The following GLI3 variants were observed in gnomAD, a reference collection of about 807,000 sequenced individuals.
The protein encoded by GLI3 is transcription activator GLI3.
A neutral mutation model predicts 100.8 loss-of-function variants in GLI3; 20 were observed. The ratio of observed to expected loss-of-function variants is 0.20; its 90% CI spans 0.14 to 0.29. The LOEUF (loss-of-function observed/expected upper bound fraction) is 0.29. Ranked by LOEUF, GLI3 falls within the 10% of genes least tolerant of loss-of-function variation. The probability of loss-of-function intolerance (pLI) is 1.00; values close to 1 mark genes in which losing one functional copy is unlikely to be tolerated. For missense variants in GLI3, 2,040 were observed against 2,128.5 expected, an observed-to-expected ratio of 0.96 and a Z score of 0.82; for synonymous variants, 938 against 860.5, an observed-to-expected ratio of 1.09 and a Z score of -1.58.
At chr7:42,120,994 C>T (rs769101810) in intron 3 of GLI3, among the ~76,000 whole-genome samples, 1 of 152,148 alleles carries the variant, frequency 6.6e-6, no homozygotes, top group African/African-American at 2.4e-5. Context: ...AACAAACCAC[C>T]ACCAAAAAGA....
intron 2 of GLI3, among the ~76,000 whole-genome samples, chr7:42,170,497 G>T (rs562569007): frequency 5.0e-4 from 74 of 148,946 alleles, no homozygotes; most frequent in African/African-American, 1.8e-3. Flanking sequence ...CCGCCTCCTG[G>T]GTTCAAGCCA....
At chr7:42,099,001 A>G (rs754281387) in intron 3 of GLI3, among the ~76,000 whole-genome samples, 1 of 152,152 alleles carries the variant, frequency 6.6e-6, no homozygotes, top group Non-Finnish European at 1.5e-5. Context: ...ATCCAGGGAT[A>G]CATCTGCCCT....
At chr7:42,059,282 G>A (rs1317692363) in intron 4 of GLI3, among the ~76,000 whole-genome samples, 1 of 151,780 alleles carries the variant, frequency 6.6e-6, no homozygotes, top group African/African-American at 2.4e-5. Flanking sequence ...AATAGTTCAC[G>A]CAAAGGTATC....
chr7:42,061,365 A>G (rs1337075928), intron 4 of GLI3, among the ~76,000 whole-genome samples: 2 of 152,096 alleles, frequency 1.3e-5, no homozygotes, highest in Non-Finnish European at 2.9e-5. Context: ...CATCATAATT[A>G]TTATTACTGT....
chr7:42,213,455 G>A (rs1044370270), intron 2 of GLI3, among the ~76,000 whole-genome samples: 5 of 152,114 alleles, frequency 3.3e-5, no homozygotes, highest in Admixed American at 6.5e-5. Flanking sequence ...GTGACTGGTG[G>A]TGAAATGTAG....
rs780020629 is a variant in GLI3 at position 41,962,798 on chromosome 7, A to G, written c.*1532T>C. 5.9e-5 allele frequency: 9 copies of G among 152,232 alleles called. No homozygotes were observed. Among genetic ancestry groups the G allele is most frequent in the African/African-American group, 9.6e-5 (4 of 41,466 alleles). 9.4% of individuals were successfully genotyped at this position (152,232 alleles called of 1,614,324 possible). A position where few individuals can be genotyped will look rare whatever the true frequency, so the allele number is the denominator to read the frequency against. ...GAAAAGCCACATAATTGAATTATCA[A>G]TCACTTGCAGTAAATCCAATTCCAG... On this transcript the variant is annotated 3_prime_UTR_variant, in exon 15 of 15. Transcript: ENST00000395925.
At chr7:42,034,466 A>C (rs1354787613) in intron 7 of GLI3, among the ~76,000 whole-genome samples, 1 of 152,158 alleles carries the variant, frequency 6.6e-6, no homozygotes, top group Non-Finnish European at 1.5e-5. Flanking sequence ...CCCAGATCTT[A>C]GGCCCTTCCT....
intron 4 of GLI3, among the ~76,000 whole-genome samples, chr7:42,055,058 CATATATGTATACAT>C (rs1283875237): frequency 4.6e-5 from 5 of 108,878 alleles, no homozygotes; most frequent in African/African-American, 1.9e-4. Flanking sequence ...TATACACACA[CATATATGTATACAT>C]ATATATGTAT....
intron 10 of GLI3, among the ~76,000 whole-genome samples, chr7:41,992,168 T>A (rs1473862786): frequency 6.6e-6 from 1 of 152,200 alleles, no homozygotes; most frequent in African/African-American, 2.4e-5. Flanking sequence ...GTTGCTATAA[T>A]CATCCAAGAA....
chr7:41,994,113 A>G (rs1406250238), intron 10 of GLI3, among the ~76,000 whole-genome samples: 1 of 152,244 alleles, frequency 6.6e-6, no homozygotes, highest in Non-Finnish European at 1.5e-5. Flanking sequence ...GAAAAAAATA[A>G]TCTGATGCTT....
chr7:42,045,275 C>T, intron 6 of GLI3, 109 bp downstream of exon 6: 2 of 1,083,832 alleles, frequency 1.8e-6, no homozygotes, highest in African/African-American at 1.5e-5. Flanking sequence ...CCACTTTCTC[C>T]TCCAGATCAA....
chr7:42,148,130 A>AGT, intron 3 of GLI3, 96 bp downstream of exon 3: 1 of 1,193,782 alleles, frequency 8.4e-7, no homozygotes, highest in South Asian at 1.8e-5. Flanking sequence ...AACTTCATAA[A>AGT]GCGCGCACAC....
intron 10 of GLI3, among the ~76,000 whole-genome samples, chr7:41,989,042 G>A (rs1162780266): frequency 1.3e-5 from 2 of 152,166 alleles, no homozygotes; most frequent in Non-Finnish European, 2.9e-5. Flanking sequence ...TTACTGAGCA[G>A]ATTTAATTTT....
At position 42,201,849 on chromosome 7, in the gene GLI3, C is replaced by T. The variant is rs147687283; in HGVS notation, c.124+21281G>A. 4.0e-3 allele frequency among the ~76,000 whole-genome samples: 606 copies of T among 152,144 alleles called. 2 individuals carry two copies. The highest frequency in any genetic ancestry group is 0.013 in the African/African-American group (548 of 41,490). ...CTGTAATCCTAGCACTTTGGGAAGC[C>T]GAGGCGGGCAGATCACAAGGTCAGG... On this transcript the variant is annotated intron_variant, in intron 2 of 14. Transcript: ENST00000395925.
intron 3 of GLI3, among the ~76,000 whole-genome samples, chr7:42,102,411 G>C (rs1034026900): frequency 6.6e-6 from 1 of 152,228 alleles, no homozygotes; most frequent in Non-Finnish European, 1.5e-5. Flanking sequence ...TCTCACGCCT[G>C]CTTCCTATGC....
chr7:42,203,804 G>T lies in GLI3; in HGVS notation c.124+19326C>A, dbSNP rs1458618787. Among the ~76,000 whole-genome samples the T allele has an allele frequency of 3.3e-5, 5 of 152,204 alleles. No homozygotes were observed. The East Asian group carries it at 9.7e-4, about 29-fold the overall frequency. ...ATTTGAGACCAGGAGTTTGAGACCA[G>T]CCTGGCCAACATGGTGAAACCCTGT... is the stretch of plus-strand genomic sequence containing the variant. On this transcript the variant is annotated intron_variant, in intron 2 of 14. Coordinates refer to ENST00000395925, the MANE Select transcript of GLI3 (RefSeq NM_000168.6).
intron 3 of GLI3, among the ~76,000 whole-genome samples, chr7:42,104,117 T>A (rs1035044483): frequency 6.6e-6 from 1 of 152,140 alleles, no homozygotes; most frequent in Non-Finnish European, 1.5e-5. Context: ...TTGAAGAAGA[T>A]GAAAGCATTG....
intron 2 of GLI3, among the ~76,000 whole-genome samples, chr7:42,152,622 AT>A (rs1404401644): frequency 2.0e-5 from 3 of 152,204 alleles, no homozygotes; most frequent in Non-Finnish European, 4.4e-5. Flanking sequence ...CAGGCGGCTA[AT>A]CATTAAATCA....
At chr7:42,015,972 C>T (rs1315379651) in intron 10 of GLI3, among the ~76,000 whole-genome samples, 1 of 151,834 alleles carries the variant, frequency 6.6e-6, no homozygotes, top group East Asian at 1.9e-4. Flanking sequence ...ATACTGTCTC[C>T]CAGGGACATC....
Sources: allele counts gnomAD v4.1 joint callset (sites outside exome capture counted in the v4.1 genomes callset), GRCh38; gene constraint gnomAD v4.1.1; transcripts MANE v1.5; gene names NCBI Gene and HGNC (gene_info 2026-07-23, HGNC 2026-07-21).